The following NKAIN3 variants were observed in gnomAD, a reference collection of about 807,000 sequenced individuals.
NKAIN3 encodes the protein sodium/potassium transporting ATPase interacting 3.
In NKAIN3, 25 loss-of-function variants were observed where a neutral mutation model predicts 30.2. That is an observed-to-expected ratio of 0.83 (90% CI 0.60 to 1.16). The LOEUF (loss-of-function observed/expected upper bound fraction) is 1.16, where lower values mean the gene tolerates loss of function less well. Among genes scored for constraint, NKAIN3 ranks in the 50% most tolerant of loss-of-function variants. The probability of loss-of-function intolerance (pLI) is 0.00; values close to 1 mark genes in which losing one functional copy is unlikely to be tolerated. For missense variants in NKAIN3, 225 were observed against 254.1 expected (o/e 0.89, Z 0.78); for synonymous variants, 91 against 89.6 (o/e 1.02, Z -0.09).
chr8:62,803,119 C>T (rs1818131710), intron 4 of NKAIN3, among the ~76,000 whole-genome samples: 1 of 152,238 alleles, frequency 6.6e-6, no homozygotes, highest in Middle Eastern at 3.4e-3. Context: ...TAAAGCAAGT[C>T]CTGAGTGACC....
chr8:62,599,868 T>G (rs538850504), intron 3 of NKAIN3, among the ~76,000 whole-genome samples: 23 of 152,182 alleles, frequency 1.5e-4, no homozygotes, highest in African/African-American at 5.3e-4. Flanking sequence ...GCTGTTTTTC[T>G]TGCCACACTT....
At chr8:62,572,268 G>A (rs1315538462) in intron 1 of NKAIN3, among the ~76,000 whole-genome samples, 1 of 152,142 alleles carries the variant, frequency 6.6e-6, no homozygotes, top group Non-Finnish European at 1.5e-5. Context: ...AACATAACAA[G>A]AGTCACCTTT....
chr8:62,793,503 T>A (rs1817762215), intron 4 of NKAIN3, among the ~76,000 whole-genome samples: 1 of 152,168 alleles, frequency 6.6e-6, no homozygotes, highest in South Asian at 2.1e-4. Flanking sequence ...CTAATCTTTT[T>A]TTTACTAGGC....
chr8:62,537,154 A>G (rs372642838), intron 1 of NKAIN3, among the ~76,000 whole-genome samples: 2 of 152,126 alleles, frequency 1.3e-5, no homozygotes, highest in East Asian at 3.9e-4. Context: ...TACTAACAAT[A>G]TCTTGGCAAT....
At chr8:62,338,481 T>G (rs1352085187) in intron 1 of NKAIN3, among the ~76,000 whole-genome samples, 1 of 151,978 alleles carries the variant, frequency 6.6e-6, no homozygotes, top group Non-Finnish European at 1.5e-5. Flanking sequence ...GAAGTAATTG[T>G]GAGTTGTGAT....
At chr8:62,264,029 T>C (rs1295707519) in intron 1 of NKAIN3, among the ~76,000 whole-genome samples, 1 of 152,196 alleles carries the variant, frequency 6.6e-6, no homozygotes, top group East Asian at 1.9e-4. Context: ...AGCAATCCAC[T>C]GAACATTGGT....
At position 62,980,161 on chromosome 8, in the gene NKAIN3, C is replaced by A. The variant is rs1192316497; in HGVS notation, c.*14754C>A. The A allele has an allele frequency of 6.6e-6, 1 of 152,174 alleles. No homozygotes were observed. 9.4% of individuals were successfully genotyped at this position (152,174 alleles called of 1,614,324 possible). ...CTAGACAAGCCTCCTGATGATTTTTCATCAAACATGAAAATAGCTTACTTT... is the reference window on the plus strand; with the variant it reads ...CTAGACAAGCCTCCTGATGATTTTTAATCAAACATGAAAATAGCTTACTTT... On this transcript the variant is annotated 3_prime_UTR_variant, in exon 7 of 7. Coordinates refer to ENST00000623646, the MANE Select transcript of NKAIN3 (RefSeq NM_001304533.3).
At position 62,668,299 on chromosome 8, in the gene NKAIN3, C is replaced by A. The variant is rs1299012611; in HGVS notation, c.273+78505C>A. On this transcript the variant is annotated intron_variant, in intron 3 of 6. Coordinates refer to ENST00000623646, the MANE Select transcript of NKAIN3 (RefSeq NM_001304533.3). ...CCCCAGTGCCTAGAACTGGGCCTAA[C>A]ATCAGTTCTGTACTCATTAAATATT... Among the ~76,000 whole-genome samples, 4 of 152,302 alleles carry A rather than the reference C, an allele frequency of 2.6e-5. No individual in the cohort carries two copies. The East Asian group carries it at 7.7e-4, about 29-fold the overall frequency.
chr8:62,318,727 C>T (rs534003892), intron 1 of NKAIN3, among the ~76,000 whole-genome samples: 4 of 152,250 alleles, frequency 2.6e-5, no homozygotes, highest in East Asian at 1.9e-4. Flanking sequence ...CTGCTGGATT[C>T]GGTTTGCCAG....
rs1184134408 is a variant in NKAIN3 at position 62,966,588 on chromosome 8, AATGCC to A, written c.*1182_*1186del. The stretch of plus-strand genomic sequence containing the variant: ...AATTCCCTTATGCCCTCTTTCAGGC[AATGCC>A]TACATTCTCACAGACAACCACTGTG... On this transcript the variant is annotated 3_prime_UTR_variant, in exon 7 of 7. Transcript: ENST00000623646. 6.3e-6 allele frequency: 1 copy of A among 157,614 alleles called. No homozygotes were observed. Among genetic ancestry groups the A allele is most frequent in the Non-Finnish European group, 1.4e-5 (1 of 72,958 alleles). The allele number at this position is 157,614 out of a possible 1,614,324, so 9.8% of individuals were successfully genotyped here. A position where few individuals can be genotyped will look rare whatever the true frequency, so the allele number is the denominator to read the frequency against.
At chr8:62,448,476 C>A (rs1471179118) in intron 1 of NKAIN3, among the ~76,000 whole-genome samples, 1 of 78,132 alleles carries the variant, frequency 1.3e-5, no homozygotes, top group African/African-American at 3.5e-5. Context: ...TCTAGAAAAT[C>A]CAAAAAAAAA....
chr8:62,441,010 T>G lies in NKAIN3; in HGVS notation c.55-138529T>G, dbSNP rs371794374. Among the ~76,000 whole-genome samples, 21 of 152,306 alleles carry G rather than the reference T, an allele frequency of 1.4e-4. No homozygotes were observed. The East Asian group carries it at 3.5e-3, about 25-fold the overall frequency. ...CCGCCTCCATTTTGAAGGCTTCATC[T>G]GGTGCTACTTAATCAACATTCACCT... On this transcript the variant is annotated intron_variant, in intron 1 of 6. Coordinates refer to ENST00000623646, the MANE Select transcript of NKAIN3 (RefSeq NM_001304533.3).
At chr8:62,691,206 A>T (rs1367443543) in intron 3 of NKAIN3, among the ~76,000 whole-genome samples, 1 of 152,078 alleles carries the variant, frequency 6.6e-6, no homozygotes, top group Non-Finnish European at 1.5e-5. Flanking sequence ...TATCTCCTAC[A>T]TTGTAGAAGT....
intron 3 of NKAIN3, among the ~76,000 whole-genome samples, chr8:62,601,833 G>C (rs907948233): frequency 2.0e-5 from 3 of 152,028 alleles, no homozygotes; most frequent in African/African-American, 7.2e-5. Flanking sequence ...ATAGGTGTGA[G>C]TTTCCTATTC....
At chr8:62,920,784 T>G (rs1251446256) in intron 5 of NKAIN3, among the ~76,000 whole-genome samples, 1 of 152,192 alleles carries the variant, frequency 6.6e-6, no homozygotes, top group African/African-American at 2.4e-5. Flanking sequence ...CAATTCAAAT[T>G]GACTCAGAGT....
intron 1 of NKAIN3, among the ~76,000 whole-genome samples, chr8:62,397,463 G>A (rs1455099277): frequency 6.6e-6 from 1 of 152,130 alleles, no homozygotes; most frequent in African/African-American, 2.4e-5. Flanking sequence ...GCAGAGAGTT[G>A]TAGGTGATAA....
chr8:62,500,679 T>C (rs138154389), intron 1 of NKAIN3, among the ~76,000 whole-genome samples: 104 of 152,144 alleles, frequency 6.8e-4, no homozygotes, highest in Non-Finnish European at 1.2e-3. Context: ...ATTTGACACC[T>C]TTGTGGAGGG....
intron 3 of NKAIN3, among the ~76,000 whole-genome samples, chr8:62,743,314 AG>A (rs2130575215): frequency 6.6e-6 from 1 of 152,328 alleles, no homozygotes; most frequent in East Asian, 1.9e-4. Context: ...TTTCTAATCT[AG>A]TACTGAAATA....
chr8:62,540,008 C>T (rs1808789582), intron 1 of NKAIN3, among the ~76,000 whole-genome samples: 1 of 152,194 alleles, frequency 6.6e-6, no homozygotes, highest in Non-Finnish European at 1.5e-5. Context: ...TCATGGAGAA[C>T]TGTAACACTC....
Sources: allele counts gnomAD v4.1 joint callset (sites outside exome capture counted in the v4.1 genomes callset), GRCh38; gene constraint gnomAD v4.1.1; transcripts MANE v1.5; gene names NCBI Gene and HGNC (gene_info 2026-07-23, HGNC 2026-07-21).